Variants in NARF observed in about 807,000 individuals in gnomAD.
NARF encodes the protein nuclear prelamin A recognition factor.
In NARF, 41 loss-of-function variants were observed where a neutral mutation model predicts 48.0. The ratio of observed to expected loss-of-function variants is 0.85; its 90% CI spans 0.66 to 1.11. NARF has a LOEUF of 1.11. Among genes scored for constraint, NARF ranks in the 50% least tolerant of loss-of-function variants. The probability of loss-of-function intolerance (pLI) is 0.00; values close to 1 mark genes in which losing one functional copy is unlikely to be tolerated. For synonymous variants in NARF, 215 were observed against 225.5 expected (o/e 0.95, Z 0.42); for missense variants, 613 against 590.2 (o/e 1.04, Z -0.40).
intron 5 of NARF, chr17:82,478,052 A>G (rs564070959): frequency 6.5e-6 from 1 of 154,920 alleles, no homozygotes; most frequent in African/African-American, 2.4e-5. Context: ...CAGGTGTGCA[A>G]GTGTCTGTGG....
rs1325339114 is a variant in NARF, at chr17:82,489,504, T to TC, written c.*1348dup. 1.3e-5 allele frequency: 2 copies of TC among 151,506 alleles called. No homozygotes were observed. The highest frequency in any genetic ancestry group is 4.9e-5 in the African/African-American group (2 of 41,122). The allele number at this position is 151,506 out of a possible 1,614,324, so 9.4% of individuals were successfully genotyped here. A position where few individuals can be genotyped will look rare whatever the true frequency, so the allele number is the denominator to read the frequency against. On this transcript the variant is annotated 3_prime_UTR_variant, in exon 11 of 11. Transcript: ENST00000309794. ...CATCAGCACTGTCGTGGGGTGGGAG[T>TC]CGGGGGTAAAGGTTCCGTCTGACCC...
At position 82,481,111 on chromosome 17, in the gene NARF, C is replaced by G; in HGVS notation, c.669C>G (p.Val223=). 6.2e-7 allele frequency: 1 copy of G among 1,614,152 alleles called. No homozygotes were observed. The highest frequency in any genetic ancestry group is 8.5e-7 in the Non-Finnish European group (1 of 1,180,024). The change falls in exon 7 of 11, where the codon GTC becomes GTG. Residue 223 remains valine, a synonymous_variant. Coordinates refer to ENST00000309794, the MANE Select transcript of NARF (RefSeq NM_012336.4). ...QNLSPEKIFH[V]IVAPCYDKKL... ...TGTCTCCAGAGAAGATTTTCCACGT[C>G]ATTGTGGCCCCTTGTTATGACAAGA... is the stretch of plus-strand genomic sequence containing the variant.
At chr17:82,461,616 A>C (rs7211620) in intron 2 of NARF, among the ~76,000 whole-genome samples, 67,863 of 152,014 alleles carry the variant, frequency 0.45, 16,507 homozygotes, top group East Asian at 0.9. Flanking sequence ...GTCTCAAAAA[A>C]AAGAATGTCA....
intron 4 of NARF, among the ~76,000 whole-genome samples, chr17:82,471,875 CTG>C (rs1352951176): frequency 6.6e-6 from 1 of 151,212 alleles, no homozygotes; most frequent in East Asian, 1.9e-4. Context: ...CCATCACAGA[CTG>C]AAATTTAATT....
intron 5 of NARF, 102 bp downstream of exon 5, chr17:82,472,800 A>C: frequency 7.1e-7 from 1 of 1,401,852 alleles, no homozygotes; most frequent in African/African-American, 1.5e-5. Flanking sequence ...GACCCATCCC[A>C]CCCAGCCTTG....
intron 1 of NARF, among the ~76,000 whole-genome samples, 157 bp from the exon 2 acceptor site, chr17:82,459,835 C>T (rs1165111528): frequency 6.6e-6 from 1 of 151,788 alleles, no homozygotes; most frequent in Non-Finnish European, 1.5e-5. Context: ...CGCCCCTGCA[C>T]TCCAGCCTGG....
chr17:82,487,789 AATCTCT>A lies in NARF; in HGVS notation c.1130-125_1130-120del. The A allele has an allele frequency of 3.1e-5, 10 of 321,308 alleles. No homozygotes were observed. In the East Asian group the frequency reaches 3.4e-4, roughly 11 times the overall value. 19.9% of individuals were successfully genotyped at this position (321,308 alleles called of 1,614,324 possible). A position where few individuals can be genotyped will look rare whatever the true frequency, so the allele number is the denominator to read the frequency against. Reference sequence around the variant, plus strand: ...ATAGCAACACCCGCCCCTCCCGCCCAATCTCTACAAAAAATTTAAAAATCAGCCGGG... The same window carrying A: ...ATAGCAACACCCGCCCCTCCCGCCCAACAAAAAATTTAAAAATCAGCCGGG... On this transcript the variant is annotated intron_variant, in intron 10 of 10. Transcript: ENST00000309794.
intron 9 of NARF, 108 bp from the exon 10 acceptor site, chr17:82,485,389 C>G (rs992522966): frequency 2.3e-6 from 3 of 1,294,268 alleles, no homozygotes; most frequent in Middle Eastern, 2.0e-4. Flanking sequence ...CCACTGCACT[C>G]CAGCCTGGGC....
intron 4 of NARF, among the ~76,000 whole-genome samples, chr17:82,470,768 C>A (rs1032012956): frequency 6.6e-6 from 1 of 151,954 alleles, no homozygotes; most frequent in African/African-American, 2.4e-5. Flanking sequence ...TACTGGGATT[C>A]CAGGGGTGAG....
chr17:82,489,470 C>T lies in NARF; in HGVS notation c.*1313C>T, dbSNP rs1472379722. The T allele has an allele frequency of 6.6e-6, 1 of 152,416 alleles. No homozygotes were observed. The allele number at this position is 152,416 out of a possible 1,614,324, so 9.4% of individuals were successfully genotyped here. ...ACCAGCTGGGTGGGTGCAGGGGGCC[C>T]CAGCTCATCATCAGCACTGTCGTGG... On this transcript the variant is annotated 3_prime_UTR_variant, in exon 11 of 11. Transcript: ENST00000309794.
At chr17:82,459,232 C>G (rs2043367995) in intron 1 of NARF, 1 of 995,226 alleles carries the variant, frequency 1.0e-6, no homozygotes, top group Admixed American at 5.9e-5. Context: ...GGGGCGGAAG[C>G]GGGTGACGGC....
rs200462533 is a variant in NARF, at chr17:82,472,716, C to G, written c.520+18C>G. 163 of 1,604,520 alleles carry G rather than the reference C, an allele frequency of 1.0e-4. No individual in the cohort carries two copies. Among genetic ancestry groups the G allele is most frequent in the Non-Finnish European group, 1.3e-4 (153 of 1,176,780 alleles). ...CTGTCCTGGTGAGCCCCTGGACCCCCGCTCTGTTGGCCTGAGGTGCCAAAA... is the reference window on the plus strand; with the variant it reads ...CTGTCCTGGTGAGCCCCTGGACCCCGGCTCTGTTGGCCTGAGGTGCCAAAA... On this transcript the variant is annotated intron_variant, in intron 5 of 10. Transcript: ENST00000309794.
At chr17:82,480,951 A>AT in intron 6 of NARF, 131 bp from the exon 7 acceptor site, 1 of 755,520 alleles carries the variant, frequency 1.3e-6, no homozygotes, top group Non-Finnish European at 2.0e-6. Flanking sequence ...AAAAAAAAAG[A>AT]GTGCAGCATG....
intron 6 of NARF, chr17:82,479,128 C>G: frequency 2.2e-6 from 1 of 453,254 alleles, no homozygotes. Context: ...CTTTTTCTTT[C>G]TTCTTAACCT....
chr17:82,486,590 A>T (rs1275386871), intron 10 of NARF, among the ~76,000 whole-genome samples: 1 of 152,168 alleles, frequency 6.6e-6, no homozygotes, highest in African/African-American at 2.4e-5. Context: ...GGCCTCACTG[A>T]GCATTCCAGG....
At chr17:82,458,725 G>T, upstream of NARF, 1 of 1,436,394 alleles carries the variant, frequency 7.0e-7, no homozygotes. Flanking sequence ...AAGGGCCGCG[G>T]GCGGCGGGCA....
At chr17:82,479,005 C>T (rs1455291609) in intron 6 of NARF, 87 bp downstream of exon 6, 1 of 1,298,942 alleles carries the variant, frequency 7.7e-7, no homozygotes, top group Non-Finnish European at 1.1e-6. Context: ...CCCCATCTGT[C>T]CAGCGTGGTC....
At chr17:82,486,560 G>A (rs1367791724) in intron 10 of NARF, among the ~76,000 whole-genome samples, 1 of 152,210 alleles carries the variant, frequency 6.6e-6, no homozygotes, top group Non-Finnish European at 1.5e-5. Flanking sequence ...AGGGCAGAGA[G>A]GGGAGCCTGT....
intron 3 of NARF, among the ~76,000 whole-genome samples, chr17:82,464,880 C>T (rs1422913787): frequency 6.6e-6 from 1 of 152,254 alleles, no homozygotes; most frequent in African/African-American, 2.4e-5. Flanking sequence ...CTCCTTCCTT[C>T]AGCTCATCCC....
Sources: gnomAD v4.1 joint callset for allele counts (sites outside exome capture counted in the v4.1 genomes callset) on GRCh38, gnomAD v4.1.1 for gene constraint, MANE v1.5 for transcripts, NCBI Gene and HGNC (gene_info 2026-07-23, HGNC 2026-07-21) for gene names.